The following KIF20B variants were observed in gnomAD, a reference collection of about 807,000 sequenced individuals.
KIF20B encodes kinesin family member 20B, also known as kinesin-like protein KIF20B.
In KIF20B, 188 loss-of-function variants were observed where a neutral mutation model predicts 232.5. That is an observed-to-expected ratio of 0.81 (90% CI 0.72 to 0.91). The LOEUF (loss-of-function observed/expected upper bound fraction) is 0.91, where lower values mean the gene tolerates loss of function less well. KIF20B is among the 40% of genes least tolerant of loss of function. The pLI is 0.00. For missense variants in KIF20B, 2,154 were observed against 2,055.9 expected (o/e 1.05, Z -0.92); for synonymous variants, 712 against 683.0 (o/e 1.04, Z -0.66).
At chr10:89,737,326 T>A in intron 19 of KIF20B, 61 bp from the exon 20 acceptor site, 1 of 1,387,888 alleles carries the variant, frequency 7.2e-7, no homozygotes, top group South Asian at 1.9e-5. Flanking sequence ...TTGGCTTATA[T>A]GGTGACTTTT....
At chr10:89,763,757 T>C (rs1842293025) in intron 29 of KIF20B, among the ~76,000 whole-genome samples, 1 of 151,808 alleles carries the variant, frequency 6.6e-6, no homozygotes, top group Admixed American at 6.6e-5. Flanking sequence ...TTTGGAACAA[T>C]GGATTAATGT....
intron 21 of KIF20B, 125 bp downstream of exon 21, chr10:89,739,221 T>C: frequency 9.6e-7 from 1 of 1,046,304 alleles, no homozygotes; most frequent in Non-Finnish European, 1.4e-6. Flanking sequence ...TTCTTAAAAT[T>C]ACAAGAACAG....
rs145619952 is a variant in KIF20B at position 89,746,012 on chromosome 10, G to A, written c.4096+53G>A. 796 of 1,288,390 alleles carry A rather than the reference G, an allele frequency of 6.2e-4. 2 individuals carry two copies. Among genetic ancestry groups the A allele is most frequent in the African/African-American group, 4.6e-3 (319 of 68,846 alleles). 79.8% of individuals were successfully genotyped at this position (1,288,390 alleles called of 1,614,324 possible). A position where few individuals can be genotyped will look rare whatever the true frequency, so the allele number is the denominator to read the frequency against. On this transcript the variant is annotated intron_variant, in intron 23 of 32. Transcript: ENST00000371728. ...CCAGAAAAGTTCTCTTATTCCCCTC[G>A]CAGGGCATGCGATGGGGGTATGACT...
chr10:89,718,227 G>C (rs1564659848), intron 11 of KIF20B, among the ~76,000 whole-genome samples: 1 of 145,860 alleles, frequency 6.9e-6, no homozygotes, highest in Non-Finnish European at 1.6e-5. Context: ...GTAAGTAGCA[G>C]CAGTTAAAAC....
intron 26 of KIF20B, among the ~76,000 whole-genome samples, chr10:89,755,721 G>A (rs960235824): frequency 1.3e-5 from 2 of 151,892 alleles, no homozygotes; most frequent in African/African-American, 4.8e-5. Flanking sequence ...AGCCTCCCAA[G>A]TAACTGGGAC....
intron 25 of KIF20B, 27 bp downstream of exon 25, chr10:89,752,718 A>G (rs779461909): frequency 1.4e-6 from 2 of 1,471,218 alleles, no homozygotes; most frequent in South Asian, 2.8e-5. Context: ...GTTTTTATGT[A>G]TGAATGTATC....
Position 89,719,380 on chromosome 10 carries a change from T to A in KIF20B, c.1435-39T>A, listed in dbSNP as rs1210776649. 3 of 1,400,782 alleles carry A rather than the reference T, an allele frequency of 2.1e-6. No individual in the cohort carries two copies. In the African/African-American group the frequency reaches 4.3e-5, roughly 20 times the overall value. The allele number at this position is 1,400,782 out of a possible 1,614,324, so 86.8% of individuals were successfully genotyped here. A position where few individuals can be genotyped will look rare whatever the true frequency, so the allele number is the denominator to read the frequency against. On this transcript the variant is annotated intron_variant, in intron 12 of 32. Coordinates refer to ENST00000371728, the MANE Select transcript of KIF20B (RefSeq NM_001284259.2). ...ATCATTTTCTAGTGGACAGTTCTTG[T>A]CTTTTCTGTTTTAAAAGTCACATTG...
chr10:89,706,759 C>T (rs1842732380), intron 2 of KIF20B, among the ~76,000 whole-genome samples: 1 of 151,804 alleles, frequency 6.6e-6, no homozygotes, highest in African/African-American at 2.4e-5. Flanking sequence ...ATTTTATTCT[C>T]TTCCTTTGAC....
intron 30 of KIF20B, 59 bp from the exon 31 acceptor site, chr10:89,768,679 A>G (rs1842410369): frequency 1.2e-5 from 18 of 1,464,250 alleles, no homozygotes; most frequent in South Asian, 8.2e-5. Context: ...AGCTGTGGCC[A>G]TAACTATTTC....
intron 21 of KIF20B, among the ~76,000 whole-genome samples, chr10:89,741,525 A>G (rs1042793190): frequency 1.1e-4 from 17 of 152,224 alleles, no homozygotes. Flanking sequence ...AATTATAGCA[A>G]TTTAATCTAG....
chr10:89,728,392 G>A (rs1406502213), intron 17 of KIF20B, among the ~76,000 whole-genome samples: 1 of 152,170 alleles, frequency 6.6e-6, no homozygotes, highest in African/African-American at 2.4e-5. Context: ...CTTTATGTAT[G>A]TATTTATAGA....
Position 89,709,332 on chromosome 10 carries a change from G to T in KIF20B, c.235-13G>T, listed in dbSNP as rs1263066258. 1 of 1,600,086 alleles carries T rather than the reference G, an allele frequency of 6.2e-7. No individual in the cohort carries two copies. The highest frequency in any genetic ancestry group is 8.5e-7 in the Non-Finnish European group (1 of 1,170,122). ...AAATACTAGTTTTTATTTATTGGGG[G>T]TATGTTTTCTAGGGCTGTGTGCATA... On this transcript the variant is annotated splice_polypyrimidine_tract_variant and intron_variant, in intron 3 of 32. Coordinates refer to ENST00000371728, the MANE Select transcript of KIF20B (RefSeq NM_001284259.2).
intron 14 of KIF20B, 117 bp from the exon 15 acceptor site, chr10:89,724,903 C>T: frequency 2.0e-6 from 2 of 989,750 alleles, no homozygotes; most frequent in Non-Finnish European, 3.0e-6. Flanking sequence ...GCGTGAACCA[C>T]TGTACCTGGA....
chr10:89,727,566 G>A (rs1346365340), intron 16 of KIF20B, among the ~76,000 whole-genome samples: 2 of 152,200 alleles, frequency 1.3e-5, no homozygotes, highest in African/African-American at 2.4e-5. Flanking sequence ...TACTTAAAAA[G>A]CACTAGCTCC....
intron 30 of KIF20B, 98 bp downstream of exon 30, chr10:89,768,489 T>A (rs538308457): frequency 1.1e-5 from 9 of 804,018 alleles, no homozygotes; most frequent in Non-Finnish European, 1.4e-5. Flanking sequence ...TACATCTGAT[T>A]CAGTTGAAAT....
At chr10:89,731,479 T>G (rs1159811088) in intron 18 of KIF20B, among the ~76,000 whole-genome samples, 1 of 152,220 alleles carries the variant, frequency 6.6e-6, no homozygotes, top group Non-Finnish European at 1.5e-5. Flanking sequence ...TTGTCCTGAT[T>G]AACAGTTGAT....
chr10:89,758,121 C>A (rs1564673937), intron 26 of KIF20B, among the ~76,000 whole-genome samples: 1 of 151,872 alleles, frequency 6.6e-6, no homozygotes, highest in Non-Finnish European at 1.5e-5. Context: ...TTTCCATTTC[C>A]ACACACATTC....
In KIF20B at chr10:89,738,192, A is replaced by G; in HGVS notation, c.3351A>G (p.Lys1117=). The G allele has an allele frequency of 6.2e-7, 1 of 1,606,402 alleles. No homozygotes were observed. The highest frequency in any genetic ancestry group is 1.1e-5 in the South Asian group (1 of 89,702). ...HKNQDDLLKE[K]ETLIQQLKEE... ...ACCAAGATGACCTACTAAAAGAAAA[A>G]GAAACTCTTATACAGCAGCTGAAAG... The change falls in exon 20 of 33, where the codon AAA becomes AAG. Residue 1117 remains lysine, a synonymous_variant. Coordinates refer to ENST00000371728, the MANE Select transcript of KIF20B (RefSeq NM_001284259.2).
At chr10:89,724,640 C>T (rs1423551841) in intron 14 of KIF20B, among the ~76,000 whole-genome samples, 1 of 152,070 alleles carries the variant, frequency 6.6e-6, no homozygotes, top group Admixed American at 6.5e-5. Flanking sequence ...CTTGTGCTGT[C>T]ACCCAGGCTG....
Sources: gnomAD v4.1 joint callset for allele counts (sites outside exome capture counted in the v4.1 genomes callset) on GRCh38, gnomAD v4.1.1 for gene constraint, MANE v1.5 for transcripts, NCBI Gene and HGNC (gene_info 2026-07-23, HGNC 2026-07-21) for gene names.